Variants in KLHL25 observed in about 807,000 individuals in gnomAD.
KLHL25 encodes the protein kelch-like protein 25.
In KLHL25, 41 loss-of-function variants were observed where a neutral mutation model predicts 30.0. The ratio of observed to expected loss-of-function variants is 1.37; its 90% CI spans 1.07 to 1.78. KLHL25 has a LOEUF of 1.78. Ranked by LOEUF, KLHL25 falls within the 40% of genes most tolerant of loss-of-function variation. The probability of loss-of-function intolerance (pLI) is 0.00; values close to 1 mark genes in which losing one functional copy is unlikely to be tolerated. For synonymous variants in KLHL25, 399 were observed against 355.3 expected, an observed-to-expected ratio of 1.12 and a Z score of -1.38; for missense variants, 971 against 824.5, an observed-to-expected ratio of 1.18 and a Z score of -2.18.
At position 85,789,757 on chromosome 15, in the gene KLHL25, C is replaced by T. The variant is rs563074733; in HGVS notation, c.-11+5009G>A. The stretch of plus-strand genomic sequence containing the variant: ...GGCCCTGAGAAATGAGTAACCCACA[C>T]ACCACCTTCCCTTGAGCCCACGCCT... On this transcript the variant is annotated intron_variant, in intron 1 of 2. Coordinates refer to ENST00000337975, the MANE Select transcript of KLHL25 (RefSeq NM_022480.4). The surrounding 1 kb of genome is among the most constrained non-coding windows in gnomAD (Gnocchi z 4.1). 1.3e-5 allele frequency among the ~76,000 whole-genome samples: 2 copies of T among 152,190 alleles called. No individual in the cohort carries two copies. Among genetic ancestry groups the T allele is most frequent in the African/African-American group, 2.4e-5 (1 of 41,442 alleles).
intron 1 of KLHL25, among the ~76,000 whole-genome samples, chr15:85,772,908 T>G (rs1367765440): frequency 6.6e-6 from 1 of 152,232 alleles, no homozygotes; most frequent in East Asian, 1.9e-4. Flanking sequence ...GCCGCCAGCC[T>G]GGGGCACCTC....
In KLHL25 at chr15:85,768,859, T is replaced by C. The variant is rs1203478622; in HGVS notation, c.952A>G (p.Lys318Glu). Residue 318 changes from lysine to glutamate, a missense_variant, in exon 2 of 3, where the codon AAG (lysine) becomes GAG (glutamate). Physicochemically the swap from Lys to Glu is moderately conservative, Grantham distance 56. Transcript: ENST00000337975. Reference protein sequence around the residue: ...DKIYQVDHKAKEIIPKADLPS... With the variant: ...DKIYQVDHKAEEIIPKADLPS... Reference sequence around the variant, plus strand: ...AGGTCGGCCTTGGGGATGATCTCCTTGGCCTTGTGGTCCACCTGGTAGATC... The same window carrying C: ...AGGTCGGCCTTGGGGATGATCTCCTCGGCCTTGTGGTCCACCTGGTAGATC... 6.2e-7 allele frequency: 1 copy of C among 1,613,348 alleles called. No individual in the cohort carries two copies. Among genetic ancestry groups the C allele is most frequent in the Non-Finnish European group, 8.5e-7 (1 of 1,180,048 alleles).
chr15:85,768,478 T>A lies in KLHL25; in HGVS notation c.1333A>T (p.Lys445Ter). ...SNAAVVSAKL[K>*]LFVFGGTSIH... is the part of the protein sequence containing the mutation. The stretch of plus-strand genomic sequence containing the variant: ...CTGGTTCCTCCGAAAACAAAGAGCT[T>A]CAGCTTGGCACTCACCACTGCGGCA... Residue 445 changes from lysine to a stop codon, truncating the protein, a stop_gained, in exon 2 of 3, where the codon AAG becomes TAG. Coordinates refer to ENST00000337975, the MANE Select transcript of KLHL25 (RefSeq NM_022480.4). LOFTEE classifies it high-confidence loss of function. 1 of 1,613,558 alleles carries A rather than the reference T, an allele frequency of 6.2e-7. No homozygotes were observed. The highest frequency in any genetic ancestry group is 8.5e-7 in the Non-Finnish European group (1 of 1,179,926).
At chr15:85,773,443 C>A (rs1234578312) in intron 1 of KLHL25, among the ~76,000 whole-genome samples, 1 of 152,238 alleles carries the variant, frequency 6.6e-6, no homozygotes, top group African/African-American at 2.4e-5. Context: ...CACACCAGCA[C>A]AATGCCGCCT....
rs1360941018 is a variant in KLHL25 at position 85,769,182 on chromosome 15, A to T, written c.629T>A (p.Val210Asp). 4 of 1,613,252 alleles carry T rather than the reference A, an allele frequency of 2.5e-6. No individual in the cohort carries two copies. Among genetic ancestry groups the T allele is most frequent in the African/African-American group, 1.3e-5 (1 of 74,894 alleles). ...CACCCACTGGAGGATGGCCTCGAAG[A>T]CCACCCGCTCGTCCTCGGTCTCCAG... Reference protein sequence around the residue: ...DELETEDERVVFEAILQWVKH... With the variant: ...DELETEDERVDFEAILQWVKH... The change falls in exon 2 of 3, where the codon GTC becomes GAC. Residue 210 changes from valine (V) to aspartate (D), a missense_variant. Physicochemically the swap from Val to Asp is radical, Grantham distance 152. Coordinates refer to ENST00000337975, the MANE Select transcript of KLHL25 (RefSeq NM_022480.4).
chr15:85,776,776 T>A (rs1003260487), intron 1 of KLHL25, among the ~76,000 whole-genome samples: 14 of 151,446 alleles, frequency 9.2e-5, no homozygotes, highest in African/African-American at 3.4e-4. Context: ...ATACAAAAAA[T>A]TAGCTGGGTG....
chr15:85,779,045 ATTTTTTT>A (rs35309594), intron 1 of KLHL25, among the ~76,000 whole-genome samples: 1 of 141,880 alleles, frequency 7.0e-6, no homozygotes, highest in Non-Finnish European at 1.5e-5. Flanking sequence ...CTCACCAACA[ATTTTTTT>A]TTTTTTTTTT....
intron 1 of KLHL25, among the ~76,000 whole-genome samples, chr15:85,770,065 C>T (rs2089660892): frequency 6.6e-6 from 1 of 152,252 alleles, no homozygotes; most frequent in Admixed American, 6.5e-5. Flanking sequence ...GGACAAACAT[C>T]TCTGGCCTGC....
At chr15:85,776,781 T>A (rs2089711980) in intron 1 of KLHL25, among the ~76,000 whole-genome samples, 1 of 151,430 alleles carries the variant, frequency 6.6e-6, no homozygotes, top group South Asian at 2.1e-4. Context: ...AAAAATTAGC[T>A]GGGTGTGGTG....
At chr15:85,766,094 G>GT (rs1437119219) in intron 2 of KLHL25, among the ~76,000 whole-genome samples, 3 of 152,218 alleles carry the variant, frequency 2.0e-5, no homozygotes, top group Non-Finnish European at 4.4e-5. Context: ...TTCAGCATTT[G>GT]TATCAGCAGC....
At chr15:85,786,357 G>C (rs1266026129) in intron 1 of KLHL25, among the ~76,000 whole-genome samples, 1 of 152,172 alleles carries the variant, frequency 6.6e-6, no homozygotes, top group Admixed American at 6.5e-5. Context: ...AGGGTGGGGA[G>C]AGCCTGGCCA....
intron 1 of KLHL25, among the ~76,000 whole-genome samples, chr15:85,770,214 G>A (rs1465341179): frequency 6.6e-6 from 1 of 152,222 alleles, no homozygotes; most frequent in African/African-American, 2.4e-5. Context: ...CCACTCTCAT[G>A]ACAGTCCTCT....
chr15:85,770,743 G>A (rs565611966), intron 1 of KLHL25, among the ~76,000 whole-genome samples: 147 of 152,298 alleles, frequency 9.7e-4, no homozygotes, highest in Non-Finnish European at 1.7e-3. Flanking sequence ...CCCAGCTGAC[G>A]CCAGGATCCT....
At chr15:85,778,090 T>C (rs1396810409) in intron 1 of KLHL25, among the ~76,000 whole-genome samples, 1 of 152,192 alleles carries the variant, frequency 6.6e-6, no homozygotes, top group Non-Finnish European at 1.5e-5. Context: ...ATACTATTAA[T>C]ACATGCATCA....
At chr15:85,773,553 C>T (rs891214641) in intron 1 of KLHL25, among the ~76,000 whole-genome samples, 1 of 152,232 alleles carries the variant, frequency 6.6e-6, no homozygotes, top group African/African-American at 2.4e-5. Context: ...CCAGGTGCTG[C>T]ACATCACTGG....
intron 1 of KLHL25, among the ~76,000 whole-genome samples, chr15:85,791,245 C>G (rs947156287): frequency 6.7e-6 from 1 of 150,014 alleles, no homozygotes; most frequent in African/African-American, 2.5e-5. Context: ...CCTGTAATCC[C>G]AGCACTTTAG....
At chr15:85,788,703 T>C (rs1410221415) in intron 1 of KLHL25, among the ~76,000 whole-genome samples, 2 of 152,176 alleles carry the variant, frequency 1.3e-5, no homozygotes, top group African/African-American at 4.8e-5. Flanking sequence ...TCTTTGAACC[T>C]GACTTTCTTT....
At chr15:85,780,947 G>A (rs530649953) in intron 1 of KLHL25, among the ~76,000 whole-genome samples, 4 of 152,328 alleles carry the variant, frequency 2.6e-5, no homozygotes, top group Admixed American at 1.3e-4. Flanking sequence ...AAAAGGAGGG[G>A]CTGCGAACAA....
chr15:85,776,265 G>A (rs1423944942), intron 1 of KLHL25, among the ~76,000 whole-genome samples: 1 of 151,248 alleles, frequency 6.6e-6, no homozygotes, highest in Non-Finnish European at 1.5e-5. Flanking sequence ...GAAGCGGGCA[G>A]ATCACCTGAG....
Sources: gnomAD v4.1 joint callset for allele counts (sites outside exome capture counted in the v4.1 genomes callset) on GRCh38, gnomAD v4.1.1 for gene constraint, Gnocchi (gnomAD v3.1) non-coding constraint, MANE v1.5 for transcripts, NCBI Gene and HGNC (gene_info 2026-07-23, HGNC 2026-07-21) for gene names.